Variants in PTGR1 observed in about 807,000 individuals in gnomAD.
PTGR1 encodes prostaglandin reductase 1, also known as 15-oxoprostaglandin 13-reductase.
Under a neutral mutation model 37.7 loss-of-function variants are expected in PTGR1, and 23 were observed. The ratio of observed to expected loss-of-function variants is 0.61; its 90% CI spans 0.44 to 0.86. PTGR1 has a LOEUF of 0.86. Among genes scored for constraint, PTGR1 ranks in the 40% least tolerant of loss-of-function variants. The pLI, the probability that PTGR1 is intolerant of heterozygous loss-of-function variation, is 0.00. For synonymous variants in PTGR1, 134 were observed against 140.0 expected (o/e 0.96, Z 0.30); for missense variants, 351 against 394.3 (o/e 0.89, Z 0.93).
At chr9:111,575,503 C>G in intron 7 of PTGR1, 1 of 152,090 alleles carries the variant, frequency 6.6e-6, no homozygotes, top group East Asian at 1.9e-4. Context: ...TTTTCAATTT[C>G]AAAACTTAAT....
chr9:111,556,988 G>T (rs1489469112), intron 9 of PTGR1, among the ~76,000 whole-genome samples: 1 of 152,194 alleles, frequency 6.6e-6, no homozygotes, highest in Non-Finnish European at 1.5e-5. Context: ...CCTGGGCCTG[G>T]CCTGTGAAAC....
intron 9 of PTGR1, among the ~76,000 whole-genome samples, chr9:111,550,322 G>A (rs1445118216): frequency 6.6e-6 from 1 of 152,146 alleles, no homozygotes; most frequent in African/African-American, 2.4e-5. Flanking sequence ...TTGCTTCTTT[G>A]TCTGCTCTTT....
At chr9:111,592,733 A>G in intron 4 of PTGR1, 193 bp downstream of exon 4, 1 of 667,460 alleles carries the variant, frequency 1.5e-6, no homozygotes, top group East Asian at 3.2e-5. Context: ...TGAAAAAATG[A>G]CAATTTCACA....
At chr9:111,565,953 T>C (rs1238857603) in intron 9 of PTGR1, among the ~76,000 whole-genome samples, 1 of 152,100 alleles carries the variant, frequency 6.6e-6, no homozygotes, top group Non-Finnish European at 1.5e-5. Flanking sequence ...GGCTCACACG[T>C]ATAATTCGAG....
At chr9:111,597,836 A>G (rs1308773315) in intron 1 of PTGR1, among the ~76,000 whole-genome samples, 8 of 152,186 alleles carry the variant, frequency 5.3e-5, no homozygotes, top group African/African-American at 1.9e-4. Context: ...CTCATCTCAC[A>G]TGGAGTGAAT....
downstream of PTGR1, among the ~76,000 whole-genome samples, chr9:111,559,953 C>T (rs1828226604): frequency 6.6e-6 from 1 of 152,164 alleles, no homozygotes; most frequent in South Asian, 2.1e-4. Flanking sequence ...CACTCTTCTC[C>T]CCATTGTTTC....
chr9:111,578,282 G>A (rs373128867), intron 7 of PTGR1, among the ~76,000 whole-genome samples: 39 of 152,194 alleles, frequency 2.6e-4, no homozygotes, highest in African/African-American at 7.2e-4. Context: ...ATGGTTTCAA[G>A]GATGATTCAA....
At chr9:111,560,724 A>T (rs1414244525), downstream of PTGR1, among the ~76,000 whole-genome samples, 1 of 148,630 alleles carries the variant, frequency 6.7e-6, no homozygotes, top group Non-Finnish European at 1.5e-5. Flanking sequence ...TGGCCGGATC[A>T]CAAGGTCAGG....
At chr9:111,579,042 T>G (rs941575980) in intron 6 of PTGR1, 91 bp from the exon 7 acceptor site, 131 of 1,269,612 alleles carry the variant, frequency 1.0e-4, no homozygotes, top group Middle Eastern at 7.8e-4. Flanking sequence ...CTAGGTTCCC[T>G]AGGAACACTC....
rs965047608 is a variant in PTGR1 at position 111,570,170 on chromosome 9, A to G, written c.800T>C (p.Met267Thr). Residue 267 changes from methionine (M) to threonine (T), a missense_variant, in exon 9 of 10, where the codon ATG becomes ACG. Physicochemically the swap from Met to Thr is moderately conservative, Grantham distance 81. Coordinates refer to ENST00000407693, the MANE Select transcript of PTGR1 (RefSeq NM_001146108.2). ...PEIVIYQELR[M>T]EAFVVYRWQG... ...CCAGCGGTAGACGACAAAAGCTTCC[A>G]TGCGAAGCTCCTGATAGATAACAAT... The G allele has an allele frequency of 1.9e-6, 3 of 1,614,004 alleles. No homozygotes were observed. The highest frequency in any genetic ancestry group is 1.1e-5 in the South Asian group (1 of 91,082).
downstream of PTGR1, among the ~76,000 whole-genome samples, chr9:111,561,936 A>C (rs1024175010): frequency 2.6e-5 from 4 of 152,088 alleles, no homozygotes; most frequent in African/African-American, 9.7e-5. Flanking sequence ...CCCAGGCTGG[A>C]GTGCAATGGC....
intron 6 of PTGR1, among the ~76,000 whole-genome samples, chr9:111,580,481 C>T (rs1004701463): frequency 6.6e-5 from 10 of 152,104 alleles, no homozygotes; most frequent in African/African-American, 2.4e-4. Context: ...CTGGGCCAGG[C>T]GCGGTGGCTC....
chr9:111,593,064 G>A lies in PTGR1; in HGVS notation c.153-82C>T, dbSNP rs918483654. On this transcript the variant is annotated intron_variant, in intron 3 of 9. Transcript: ENST00000407693. ...ATTCTTAATACATAGGAGCATCGGG[G>A]GACTGTTTTGAGTTTCAAGCCAAAT... 2.3e-5 allele frequency: 34 copies of A among 1,490,988 alleles called. No individual in the cohort carries two copies. In the African/African-American group the frequency reaches 4.3e-4, roughly 19 times the overall value. 92.4% of individuals were successfully genotyped at this position (1,490,988 alleles called of 1,614,324 possible).
intron 6 of PTGR1, among the ~76,000 whole-genome samples, chr9:111,580,210 A>C (rs1564617990): frequency 6.6e-6 from 1 of 152,344 alleles, no homozygotes; most frequent in South Asian, 2.1e-4. Context: ...GTTCCAAATC[A>C]GTATTTCCAA....
At chr9:111,551,126 T>C (rs1827928660) in intron 9 of PTGR1, among the ~76,000 whole-genome samples, 2 of 152,214 alleles carry the variant, frequency 1.3e-5, no homozygotes, top group South Asian at 4.1e-4. Flanking sequence ...AAATTAAAAA[T>C]GTATTTTACT....
intron 9 of PTGR1, among the ~76,000 whole-genome samples, chr9:111,551,822 A>G (rs940471497): frequency 2.6e-5 from 4 of 152,202 alleles, no homozygotes; most frequent in African/African-American, 4.8e-5. Context: ...TAACATATCA[A>G]TTCAGTTTAT....
At chr9:111,590,297 G>A (rs1398563217) in intron 4 of PTGR1, among the ~76,000 whole-genome samples, 2 of 152,146 alleles carry the variant, frequency 1.3e-5, no homozygotes, top group African/African-American at 4.8e-5. Flanking sequence ...ATCTCAGGTT[G>A]CCGAGACTGA....
At chr9:111,550,664 A>T (rs1827913351) in intron 9 of PTGR1, among the ~76,000 whole-genome samples, 1 of 152,146 alleles carries the variant, frequency 6.6e-6, no homozygotes. Flanking sequence ...CACTCTATCC[A>T]TGTCTTTGAT....
chr9:111,595,782 C>T (rs1371599286), intron 2 of PTGR1, among the ~76,000 whole-genome samples: 1 of 152,030 alleles, frequency 6.6e-6, no homozygotes, highest in East Asian at 1.9e-4. Context: ...TACAGGTGCT[C>T]ACCACCACAC....
Sources: allele counts gnomAD v4.1 joint callset (sites outside exome capture counted in the v4.1 genomes callset), GRCh38; gene constraint gnomAD v4.1.1; transcripts MANE v1.5; gene names NCBI Gene and HGNC (gene_info 2026-07-23, HGNC 2026-07-21).